Variants in LRP1B observed in about 807,000 individuals in gnomAD.
LRP1B encodes the protein low-density lipoprotein receptor-related protein 1B.
In LRP1B, 217 loss-of-function variants were observed where a neutral mutation model predicts 556.6. The ratio of observed to expected loss-of-function variants is 0.39; its 90% confidence interval spans 0.35 to 0.44. LRP1B has a LOEUF of 0.44. Ranked by LOEUF, LRP1B falls within the 20% of genes least tolerant of loss-of-function variation. LRP1B has a pLI of 1.00. For missense variants in LRP1B, 5,053 were observed against 5,620.8 expected (o/e 0.90, Z 3.23); for synonymous variants, 2,047 against 1,865.8 (o/e 1.10, Z -2.50).
chr2:140,378,153 TC>T (rs1458445643), intron 68 of LRP1B, 26 bp downstream of exon 68: 1 of 1,489,742 alleles, frequency 6.7e-7, no homozygotes, highest in Non-Finnish European at 9.3e-7. Context: ...AGCGCTGCTT[TC>T]TTTTTGATTT....
chr2:141,136,849 T>C (rs181632733), intron 7 of LRP1B, among the ~76,000 whole-genome samples: 4 of 151,978 alleles, frequency 2.6e-5, no homozygotes, highest in African/African-American at 4.8e-5. Flanking sequence ...AGGAGAGAAG[T>C]ACATGACATG....
intron 66 of LRP1B, among the ~76,000 whole-genome samples, chr2:140,386,237 C>T (rs905437664): frequency 5.9e-5 from 9 of 152,042 alleles, no homozygotes; most frequent in African/African-American, 1.9e-4. Context: ...AGTAAGAAAC[C>T]GATTGGACCA....
At chr2:141,821,845 A>T (rs968628193) in intron 1 of LRP1B, among the ~76,000 whole-genome samples, 1 of 152,110 alleles carries the variant, frequency 6.6e-6, no homozygotes, top group African/African-American at 2.4e-5. Flanking sequence ...AAACTTGAAG[A>T]AGTACATTAT....
chr2:141,237,519 C>G (rs186099140), intron 5 of LRP1B, among the ~76,000 whole-genome samples: 1 of 151,892 alleles, frequency 6.6e-6, no homozygotes, highest in African/African-American at 2.4e-5. Flanking sequence ...GCTTTTTAAT[C>G]TTATCTTTGG....
At chr2:140,376,955 C>G (rs1264393106) in intron 68 of LRP1B, among the ~76,000 whole-genome samples, 1 of 151,398 alleles carries the variant, frequency 6.6e-6, no homozygotes, top group South Asian at 2.1e-4. Flanking sequence ...ATCCTCTGGC[C>G]AAGTCTATGG....
chr2:141,276,658 CTTT>C (rs11353705), intron 3 of LRP1B, among the ~76,000 whole-genome samples: 23 of 122,902 alleles, frequency 1.9e-4, no homozygotes, highest in Admixed American at 2.6e-4. Context: ...TTCTTTCTTT[CTTT>C]TTTTTTTTTT....
intron 3 of LRP1B, among the ~76,000 whole-genome samples, chr2:141,297,696 A>ACTT (rs1159257125): frequency 6.6e-6 from 1 of 152,110 alleles, no homozygotes; most frequent in Non-Finnish European, 1.5e-5. Context: ...TAATTACTTT[A>ACTT]CTTATATTTG....
At chr2:140,911,482 G>A (rs897806137) in intron 21 of LRP1B, among the ~76,000 whole-genome samples, 2 of 151,758 alleles carry the variant, frequency 1.3e-5, no homozygotes, top group African/African-American at 4.8e-5. Flanking sequence ...ACACACATAT[G>A]CAGTGAAGCC....
intron 1 of LRP1B, among the ~76,000 whole-genome samples, chr2:141,849,930 A>G (rs2105772718): frequency 6.6e-6 from 1 of 151,830 alleles, no homozygotes; most frequent in East Asian, 1.9e-4. Flanking sequence ...TGGATGGAGT[A>G]AGTTTGGCAT....
At chr2:140,783,774 C>T (rs1689785312) in intron 32 of LRP1B, among the ~76,000 whole-genome samples, 2 of 152,128 alleles carry the variant, frequency 1.3e-5, no homozygotes, top group African/African-American at 2.4e-5. Flanking sequence ...CCAGAGTACA[C>T]TGCCAAGGGA....
At chr2:140,494,706 A>AT (rs1023931182) in intron 56 of LRP1B, among the ~76,000 whole-genome samples, 3 of 151,466 alleles carry the variant, frequency 2.0e-5, no homozygotes, top group Non-Finnish European at 1.5e-5. Flanking sequence ...AAAGGAGTTA[A>AT]TTTTTTTTTC....
chr2:141,036,373 A>G (rs938172804), intron 11 of LRP1B, among the ~76,000 whole-genome samples: 1 of 152,074 alleles, frequency 6.6e-6, no homozygotes, highest in African/African-American at 2.4e-5. Context: ...GCAAAACTGG[A>G]AACCTGAGAG....
At chr2:140,724,499 A>G (rs964639994) in intron 35 of LRP1B, among the ~76,000 whole-genome samples, 22 of 152,214 alleles carry the variant, frequency 1.4e-4, no homozygotes, top group African/African-American at 5.1e-4. Context: ...TTTAAAAATA[A>G]AGACAACAGT....
intron 2 of LRP1B, among the ~76,000 whole-genome samples, chr2:141,591,618 C>T (rs2105295530): frequency 6.8e-6 from 1 of 146,598 alleles, no homozygotes; most frequent in East Asian, 2.1e-4. Flanking sequence ...GTCTGTGTGT[C>T]TCCATGTGTG....
At chr2:140,287,345 A>G (rs541904683) in intron 84 of LRP1B, among the ~76,000 whole-genome samples, 2 of 151,914 alleles carry the variant, frequency 1.3e-5, no homozygotes, top group Non-Finnish European at 1.5e-5. Context: ...CTAGTTCTTC[A>G]TGGTCTAGAG....
At chr2:141,958,847 A>G (rs184161981) in intron 1 of LRP1B, among the ~76,000 whole-genome samples, 18 of 152,120 alleles carry the variant, frequency 1.2e-4, no homozygotes, top group African/African-American at 3.9e-4. Context: ...AATTAATTCT[A>G]AATATACTTT....
At chr2:141,923,140 G>T (rs896573122) in intron 1 of LRP1B, among the ~76,000 whole-genome samples, 1 of 151,578 alleles carries the variant, frequency 6.6e-6, no homozygotes, top group Non-Finnish European at 1.5e-5. Flanking sequence ...CTGCCTGTGA[G>T]AACTGAAGGA....
chr2:141,127,445 T>C (rs1701243608), intron 7 of LRP1B, among the ~76,000 whole-genome samples: 1 of 152,140 alleles, frequency 6.6e-6, no homozygotes, highest in African/African-American at 2.4e-5. Context: ...CACACGTATG[T>C]TTATTGCAGC....
chr2:141,869,573 C>A (rs1558930048), intron 1 of LRP1B, among the ~76,000 whole-genome samples: 1 of 152,076 alleles, frequency 6.6e-6, no homozygotes, highest in Non-Finnish European at 1.5e-5. Flanking sequence ...GGTAGTTTAA[C>A]AGAAAACATA....
Sources: allele counts gnomAD v4.1 joint callset (sites outside exome capture counted in the v4.1 genomes callset), GRCh38; gene constraint gnomAD v4.1.1; transcripts MANE v1.5; gene names NCBI Gene and HGNC (gene_info 2026-07-23, HGNC 2026-07-21).